Variants in XRN1 observed in about 807,000 individuals in gnomAD.
XRN1 encodes strand-exchange protein 1 homolog.
Under a neutral mutation model 222.3 loss-of-function variants are expected in XRN1, and 67 were observed. That is an observed-to-expected ratio of 0.30 (90% CI 0.25 to 0.37). The LOEUF is 0.37. Among genes scored for constraint, XRN1 ranks in the 10% least tolerant of loss-of-function variants. The pLI, the probability that XRN1 is intolerant of heterozygous loss-of-function variation, is 1.00. For synonymous variants in XRN1, 643 were observed against 652.4 expected (o/e 0.99, Z 0.22); for missense variants, 1,707 against 2,000.2 (o/e 0.85, Z 2.80).
At chr3:142,427,675 A>G (rs1277339476) in intron 2 of XRN1, among the ~76,000 whole-genome samples, 7 of 152,202 alleles carry the variant, frequency 4.6e-5, no homozygotes, top group African/African-American at 1.7e-4. Flanking sequence ...CAACTGCAAA[A>G]TCATCACATT....
chr3:142,414,774 C>T (rs554698885), intron 13 of XRN1, among the ~76,000 whole-genome samples: 21 of 152,306 alleles, frequency 1.4e-4, no homozygotes, highest in African/African-American at 4.8e-4. Context: ...GGATTACAGG[C>T]GTAAGCCACT....
intron 3 of XRN1, chr3:142,426,513 C>A (rs1314769464): frequency 8.9e-6 from 4 of 448,370 alleles, no homozygotes; most frequent in Non-Finnish European, 1.6e-5. Flanking sequence ...CTGGGAGATT[C>A]CTGTCCATAT....
At chr3:142,404,013 A>G in intron 16 of XRN1, 24 bp from the exon 17 acceptor site, 1 of 1,523,134 alleles carries the variant, frequency 6.6e-7, no homozygotes, top group Non-Finnish European at 9.0e-7. Context: ...CAAGGCATTT[A>G]ATTTAAAATT....
At chr3:142,329,862 C>T (rs1363550197) in intron 36 of XRN1, among the ~76,000 whole-genome samples, 4 of 152,120 alleles carry the variant, frequency 2.6e-5, no homozygotes, top group Admixed American at 6.5e-5. Context: ...CCTCTGGCCA[C>T]GCACCTTATA....
At chr3:142,403,133 A>G (rs1559852935) in intron 18 of XRN1, among the ~76,000 whole-genome samples, 2 of 152,184 alleles carry the variant, frequency 1.3e-5, no homozygotes, top group African/African-American at 4.8e-5. Context: ...TCTGGCCTCA[A>G]TCTGATTTTT....
At chr3:142,398,219 C>T (rs62276414) in intron 19 of XRN1, among the ~76,000 whole-genome samples, 11,273 of 152,062 alleles carry the variant, frequency 0.074, 614 homozygotes, top group Middle Eastern at 0.18. Flanking sequence ...CTTGGGGCGA[C>T]AGAGCAAGAC....
At chr3:142,419,848 C>A (rs1476276051) in intron 10 of XRN1, among the ~76,000 whole-genome samples, 1 of 151,438 alleles carries the variant, frequency 6.6e-6, no homozygotes, top group South Asian at 2.1e-4. Context: ...CCAATAATTA[C>A]AGAGAGGCTG....
In XRN1 at chr3:142,421,121, C is replaced by T; in HGVS notation, c.1068G>A (p.Val356=). 6.2e-7 allele frequency: 1 copy of T among 1,613,610 alleles called. No homozygotes were observed. The highest frequency in any genetic ancestry group is 2.2e-5 in the East Asian group (1 of 44,822). ...CTTTGCTTTCAAACCATTTTAGGTCCACAAAAACTTCACTGAAGTGCTCCC... is the reference window on the plus strand; with the variant it reads ...CTTTGCTTTCAAACCATTTTAGGTCTACAAAAACTTCACTGAAGTGCTCCC... ...FDREHFSEVF[V]DLKWFESKVG... Residue 356 remains valine, a synonymous_variant, in exon 10 of 41, where the codon GTG becomes GTA. Transcript: ENST00000392981.
chr3:142,331,938 C>T (rs2065709143), intron 36 of XRN1, among the ~76,000 whole-genome samples: 1 of 152,082 alleles, frequency 6.6e-6, no homozygotes, highest in Admixed American at 6.6e-5. Context: ...CCACACCTAG[C>T]TAACTTTTGT....
intron 12 of XRN1, among the ~76,000 whole-genome samples, chr3:142,417,528 C>T (rs1171663806): frequency 6.6e-6 from 1 of 152,138 alleles, no homozygotes; most frequent in East Asian, 1.9e-4. Flanking sequence ...TGAAGCTTTC[C>T]ATAGTGACAC....
At chr3:142,338,271 A>C (rs528000370) in intron 33 of XRN1, among the ~76,000 whole-genome samples, 1 of 152,172 alleles carries the variant, frequency 6.6e-6, no homozygotes, top group Admixed American at 6.5e-5. Flanking sequence ...TGTATCTTGG[A>C]TACCAACTCA....
intron 20 of XRN1, among the ~76,000 whole-genome samples, chr3:142,386,892 A>G (rs2067523188): frequency 6.6e-6 from 1 of 152,188 alleles, no homozygotes; most frequent in Non-Finnish European, 1.5e-5. Context: ...TAGAGCGTAA[A>G]TTGATACAAA....
chr3:142,377,207 C>A (rs2067169955), intron 23 of XRN1, among the ~76,000 whole-genome samples: 2 of 146,690 alleles, frequency 1.4e-5, no homozygotes, highest in African/African-American at 5.1e-5. Context: ...GGGAAGAAAA[C>A]ATATTGTCAC....
chr3:142,422,934 C>A lies in XRN1; in HGVS notation c.711-12G>T. On this transcript the variant is annotated splice_polypyrimidine_tract_variant and intron_variant, in intron 6 of 40. Coordinates refer to ENST00000392981, the MANE Select transcript of XRN1 (RefSeq NM_001282857.2). Reference sequence around the variant, plus strand: ...CTGGAGCACATACCCTGGAATTAGTCAGATGATCAAGATACAGTGAATTTT... The same window carrying A: ...CTGGAGCACATACCCTGGAATTAGTAAGATGATCAAGATACAGTGAATTTT... 2 of 1,593,442 alleles carry A rather than the reference C, an allele frequency of 1.3e-6. No individual in the cohort carries two copies. The highest frequency in any genetic ancestry group is 2.3e-5 in the South Asian group (2 of 88,572).
At chr3:142,445,173 C>G (rs1178851504) in intron 1 of XRN1, among the ~76,000 whole-genome samples, 1 of 152,058 alleles carries the variant, frequency 6.6e-6, no homozygotes, top group East Asian at 1.9e-4. Flanking sequence ...GCTCGTCTTG[C>G]TTCTATTTGA....
At position 142,308,917 on chromosome 3, in the gene XRN1, C is replaced by T. The variant is rs1486847333; in HGVS notation, c.*2594G>A. On this transcript the variant is annotated 3_prime_UTR_variant, in exon 41 of 41. Coordinates refer to ENST00000392981, the MANE Select transcript of XRN1 (RefSeq NM_001282857.2). ...ACTTTGGGGGTGGTCTTAGTCCACC[C>T]CATCTCAAAGAGAGAATTTTAAATT... The T allele has an allele frequency of 6.6e-6, 1 of 152,140 alleles. No individual in the cohort carries two copies. Among genetic ancestry groups the T allele is most frequent in the African/African-American group, 2.4e-5 (1 of 41,444 alleles). The allele number at this position is 152,140 out of a possible 1,614,324, so 9.4% of individuals were successfully genotyped here. A position where few individuals can be genotyped will look rare whatever the true frequency, so the allele number is the denominator to read the frequency against.
chr3:142,384,177 C>A (rs1300887658), intron 21 of XRN1, among the ~76,000 whole-genome samples: 1 of 150,418 alleles, frequency 6.6e-6, no homozygotes, highest in Non-Finnish European at 1.5e-5. Context: ...GAAGCTGTGG[C>A]AGGAGAATGG....
chr3:142,392,394 T>C (rs181055256), intron 20 of XRN1, among the ~76,000 whole-genome samples: 1 of 152,272 alleles, frequency 6.6e-6, no homozygotes, highest in Admixed American at 6.5e-5. Flanking sequence ...TAGTTACATA[T>C]GTATACATAT....
At position 142,407,420 on chromosome 3, in the gene XRN1, C is replaced by T. The variant is rs550850344; in HGVS notation, c.1714-2344G>A. Among the ~76,000 whole-genome samples the T allele has an allele frequency of 4.6e-5, 7 of 152,326 alleles. No homozygotes were observed. In the South Asian group the frequency reaches 8.3e-4, roughly 18 times the overall value. The stretch of plus-strand genomic sequence containing the variant: ...TCTCGGCTCACTGCAACCTCCACCT[C>T]CTGGGTTCAAGCAATTCCCATGCCT... On this transcript the variant is annotated intron_variant, in intron 15 of 40. Coordinates refer to ENST00000392981, the MANE Select transcript of XRN1 (RefSeq NM_001282857.2).
Sources: gnomAD v4.1 joint callset for allele counts (sites outside exome capture counted in the v4.1 genomes callset) on GRCh38, gnomAD v4.1.1 for gene constraint, MANE v1.5 for transcripts, NCBI Gene and HGNC (gene_info 2026-07-23, HGNC 2026-07-21) for gene names.